MMP26: variants seen among roughly 807,000 people sequenced by gnomAD.
MMP26 encodes the protein matrix metallopeptidase 26, also known as matrix metalloproteinase-26.
In MMP26, 33 loss-of-function variants were observed where a neutral mutation model predicts 31.0. That is an observed-to-expected ratio of 1.06 (90% CI 0.81 to 1.42). The LOEUF is 1.42. Among genes scored for constraint, MMP26 ranks in the 40% most tolerant of loss-of-function variants. The pLI, the probability that MMP26 is intolerant of heterozygous loss-of-function variation, is 0.00. For missense variants in MMP26, 347 were observed against 316.1 expected, an observed-to-expected ratio of 1.10 and a Z score of -0.74; for synonymous variants, 122 against 114.9, an observed-to-expected ratio of 1.06 and a Z score of -0.40.
intron 2 of MMP26, among the ~76,000 whole-genome samples, chr11:4,777,387 A>G (rs1459434247): frequency 6.6e-6 from 1 of 152,176 alleles, no homozygotes; most frequent in Non-Finnish European, 1.5e-5. Context: ...CCAAGTAGAC[A>G]GTTGTATACC....
chr11:4,733,577 A>C (rs1848201144), intron 1 of MMP26, among the ~76,000 whole-genome samples: 1 of 152,278 alleles, frequency 6.6e-6, no homozygotes, highest in South Asian at 2.1e-4. Context: ...TAGATTAAAA[A>C]ATTTAGTAGA....
At chr11:4,736,325 C>A (rs1848240264) in intron 1 of MMP26, 1 of 152,014 alleles carries the variant, frequency 6.6e-6, no homozygotes, top group Non-Finnish European at 1.5e-5. Context: ...GGACAAAGCA[C>A]AAACTAATGA....
chr11:4,757,127 G>T lies in MMP26; in HGVS notation c.-216-10143G>T, dbSNP rs180692793. On this transcript the variant is annotated intron_variant, in intron 1 of 7. Transcript: ENST00000380390. ...AATTAAGACACATAGCATGAGGACA[G>T]TCATACAGATTAATAGGACAAATTG... Among the ~76,000 whole-genome samples, 46 of 152,164 alleles carry T rather than the reference G, an allele frequency of 3.0e-4. No individual in the cohort carries two copies. In the East Asian group the frequency reaches 7.5e-3, roughly 25 times the overall value.
chr11:4,976,806 G>A (rs1380056550), intron 2 of MMP26, among the ~76,000 whole-genome samples: 1 of 152,024 alleles, frequency 6.6e-6, no homozygotes, highest in Non-Finnish European at 1.5e-5. Context: ...CATCCTATGA[G>A]ACCTATTCTT....
At chr11:4,707,742 T>C (rs947584009) in intron 1 of MMP26, among the ~76,000 whole-genome samples, 1 of 152,226 alleles carries the variant, frequency 6.6e-6, no homozygotes, top group Non-Finnish European at 1.5e-5. Context: ...ATCACACATA[T>C]GTGGAAATAT....
At chr11:4,818,891 G>A (rs1849455623) in intron 2 of MMP26, among the ~76,000 whole-genome samples, 1 of 152,086 alleles carries the variant, frequency 6.6e-6, no homozygotes, top group Non-Finnish European at 1.5e-5. Flanking sequence ...AATAGTCCAG[G>A]TTAGAGAGTG....
intron 1 of MMP26, among the ~76,000 whole-genome samples, chr11:4,738,303 T>A (rs1848268413): frequency 6.6e-6 from 1 of 152,200 alleles, no homozygotes; most frequent in Non-Finnish European, 1.5e-5. Context: ...GGCAGTTTTG[T>A]GCAGATGTGG....
At chr11:4,796,213 T>A (rs183832606) in intron 2 of MMP26, among the ~76,000 whole-genome samples, 23 of 152,344 alleles carry the variant, frequency 1.5e-4, no homozygotes, top group Middle Eastern at 3.4e-3. Flanking sequence ...TATGGCTCAT[T>A]GTCTTTGCCA....
At chr11:4,945,620 G>T (rs12786996) in intron 2 of MMP26, 23,509 of 158,972 alleles carry the variant, frequency 0.15, 1,868 homozygotes, top group South Asian at 0.17. Flanking sequence ...TACTGGTGGG[G>T]CAAGAGTGAA....
At chr11:4,769,183 G>A (rs773791278) in intron 2 of MMP26, 4 of 1,614,082 alleles carry the variant, frequency 2.5e-6, no homozygotes, top group South Asian at 1.1e-5. Flanking sequence ...CTCCCACATG[G>A]GAGACACAGG....
chr11:4,843,264 G>A (rs559266763), intron 2 of MMP26, among the ~76,000 whole-genome samples: 2 of 152,320 alleles, frequency 1.3e-5, no homozygotes, highest in East Asian at 1.9e-4. Flanking sequence ...GGAACTCTGT[G>A]TGGGGGCTCC....
intron 2 of MMP26, among the ~76,000 whole-genome samples, chr11:4,808,586 G>A (rs532805378): frequency 5.4e-4 from 82 of 152,112 alleles, no homozygotes; most frequent in Non-Finnish European, 8.2e-4. Context: ...CCTCAGCCAT[G>A]TTTCAGCTAC....
At chr11:4,877,279 A>G (rs889953908) in intron 2 of MMP26, 1 of 152,226 alleles carries the variant, frequency 6.6e-6, no homozygotes, top group Non-Finnish European at 1.5e-5. Context: ...AAGGCTCTCA[A>G]CACCTGTCTC....
chr11:4,842,535 T>C (rs1849810854), intron 2 of MMP26, among the ~76,000 whole-genome samples: 1 of 152,178 alleles, frequency 6.6e-6, no homozygotes, highest in Non-Finnish European at 1.5e-5. Context: ...CCACACACTT[T>C]TAAATCATCA....
At chr11:4,933,843 G>C (rs947839795) in intron 2 of MMP26, among the ~76,000 whole-genome samples, 1 of 149,554 alleles carries the variant, frequency 6.7e-6, no homozygotes, top group Non-Finnish European at 1.5e-5. Flanking sequence ...TTATTCTTGC[G>C]ATAGTTTACT....
intron 1 of MMP26, among the ~76,000 whole-genome samples, chr11:4,720,146 T>A (rs1230027700): frequency 6.6e-6 from 1 of 152,222 alleles, no homozygotes; most frequent in South Asian, 2.1e-4. Flanking sequence ...GTAACCGAAC[T>A]GTATTTGGTC....
intron 2 of MMP26, among the ~76,000 whole-genome samples, chr11:4,858,804 C>G (rs1298434494): frequency 2.0e-5 from 3 of 152,102 alleles, no homozygotes; most frequent in South Asian, 4.1e-4. Context: ...AGGCATCATG[C>G]TACCTGACTT....
chr11:4,778,023 G>T (rs957777930), intron 2 of MMP26, among the ~76,000 whole-genome samples: 2 of 151,992 alleles, frequency 1.3e-5, no homozygotes, highest in African/African-American at 4.8e-5. Context: ...TAGTAGATAT[G>T]GCCAAAAAGT....
chr11:4,743,177 A>G lies in MMP26; in HGVS notation c.-216-24093A>G, dbSNP rs150484308. ...GTTTATGTGATTTTCTTTTCCCTCA[A>G]CAGCTGTATACTGTCACTGTCCCCT... On this transcript the variant is annotated intron_variant, in intron 1 of 7. Transcript: ENST00000380390. 7.9e-4 allele frequency among the ~76,000 whole-genome samples: 121 copies of G among 152,288 alleles called. 1 individual carries two copies. The highest frequency in any genetic ancestry group is 2.7e-3 in the African/African-American group (112 of 41,566).
Sources: allele counts gnomAD v4.1 joint callset (sites outside exome capture counted in the v4.1 genomes callset), GRCh38; gene constraint gnomAD v4.1.1; transcripts MANE v1.5; gene names NCBI Gene and HGNC (gene_info 2026-07-23, HGNC 2026-07-21).